The following ALDOB variants were observed in gnomAD, a reference collection of about 807,000 sequenced individuals.
The protein encoded by ALDOB is fructose-bisphosphate aldolase B.
Under a neutral mutation model 41.0 loss-of-function variants are expected in ALDOB, and 39 were observed. The ratio of observed to expected loss-of-function variants is 0.95; its 90% CI spans 0.74 to 1.24. The LOEUF is 1.24. Among genes scored for constraint, ALDOB ranks in the 50% most tolerant of loss-of-function variants. ALDOB has a pLI of 0.00. For missense variants in ALDOB, 530 were observed against 457.3 expected (o/e 1.16, Z -1.45); for synonymous variants, 175 against 168.8 (o/e 1.04, Z -0.28).
chr9:101,426,780 T>C (rs1420552493), intron 5 of ALDOB, 142 bp from the exon 6 acceptor site: 1 of 654,786 alleles, frequency 1.5e-6, no homozygotes, highest in Non-Finnish European at 2.8e-6. Flanking sequence ...GACAGTAGAA[T>C]TTTTCAGAAT....
rs771092366 is a variant in ALDOB, at chr9:101,425,529, G to C, written c.723C>G (p.Thr241=). ...CTACTTGTTCTGGAGTATACTTCTTGGTGCAGGCATGTCCAGCAGTCACCA... is the reference window on the plus strand; with the variant it reads ...CTACTTGTTCTGGAGTATACTTCTTCGTGCAGGCATGTCCAGCAGTCACCA... ...PNMVTAGHAC[T]KKYTPEQVAM... Residue 241 remains threonine (T), a synonymous_variant, in exon 7 of 9, where the codon ACC becomes ACG. Transcript: ENST00000647789. 5.6e-6 allele frequency: 9 copies of C among 1,614,008 alleles called. No individual in the cohort carries two copies. The highest frequency in any genetic ancestry group is 6.8e-6 in the Non-Finnish European group (8 of 1,180,028).
intron 8 of ALDOB, among the ~76,000 whole-genome samples, chr9:101,424,261 A>G (rs1831091074): frequency 6.6e-6 from 1 of 152,060 alleles, no homozygotes; most frequent in Non-Finnish European, 1.5e-5. Context: ...TTACTAAAAT[A>G]TACAGAAATT....
chr9:101,421,653 G>A lies in ALDOB; in HGVS notation c.*156C>T, dbSNP rs1831048184. 1 of 726,106 alleles carries A rather than the reference G, an allele frequency of 1.4e-6. No homozygotes were observed. Among genetic ancestry groups the A allele is most frequent in the South Asian group, 1.5e-5 (1 of 66,864 alleles). 45.0% of individuals were successfully genotyped at this position (726,106 alleles called of 1,614,324 possible). On this transcript the variant is annotated 3_prime_UTR_variant, in exon 9 of 9. Coordinates refer to ENST00000647789, the MANE Select transcript of ALDOB (RefSeq NM_000035.4). ...TATTCATTTTTATGTTTCAATAACT[G>A]ATTTATTTTTTCCCCCTTGTACTTA...
chr9:101,433,278 T>C (rs148373055), intron 1 of ALDOB, among the ~76,000 whole-genome samples: 12 of 152,372 alleles, frequency 7.9e-5, no homozygotes, highest in Admixed American at 7.8e-4. Context: ...TGCCTATTAC[T>C]AAACTATTTT....
intron 8 of ALDOB, 22 bp from the exon 9 acceptor site, chr9:101,421,926 G>C: frequency 6.2e-7 from 1 of 1,603,106 alleles, no homozygotes; most frequent in Non-Finnish European, 8.5e-7. Flanking sequence ...ATATGAGAGA[G>C]GAGACTGGTT....
intron 4 of ALDOB, among the ~76,000 whole-genome samples, chr9:101,427,889 A>C (rs973855241): frequency 1.3e-4 from 20 of 152,346 alleles, no homozygotes; most frequent in Admixed American, 9.8e-4. Context: ...AGTTAATATG[A>C]TACTCATTTT....
At chr9:101,429,609 T>A (rs1388097423) in intron 3 of ALDOB, 146 bp downstream of exon 3, 10 of 847,690 alleles carry the variant, frequency 1.2e-5, no homozygotes, top group South Asian at 2.7e-5. Context: ...AAGAGGATCT[T>A]GTTCTCTGTG....
At chr9:101,425,878 G>A (rs1831121417) in intron 6 of ALDOB, among the ~76,000 whole-genome samples, 1 of 152,118 alleles carries the variant, frequency 6.6e-6, no homozygotes, top group African/African-American at 2.4e-5. Context: ...GACAGGCATG[G>A]CTCTGCTTCC....
At chr9:101,425,672 T>C (rs978432591) in intron 6 of ALDOB, 45 bp from the exon 7 acceptor site, 3 of 1,602,956 alleles carry the variant, frequency 1.9e-6, no homozygotes, top group East Asian at 2.2e-5. Context: ...AAGCTAGTCA[T>C]AGAGCCACTT....
intron 1 of ALDOB, among the ~76,000 whole-genome samples, chr9:101,434,297 A>G (rs1831260320): frequency 6.6e-6 from 1 of 152,214 alleles, no homozygotes; most frequent in Non-Finnish European, 1.5e-5. Flanking sequence ...GTGATGTTCT[A>G]GGATTGCAAG....
chr9:101,429,555 A>G (rs185271249), intron 3 of ALDOB, among the ~76,000 whole-genome samples, 200 bp downstream of exon 3: 2 of 152,296 alleles, frequency 1.3e-5, no homozygotes, highest in East Asian at 3.9e-4. Context: ...AAGAACGTGT[A>G]GAAAATTTGA....
rs1831055335 is a variant in ALDOB at position 101,422,004 on chromosome 9, A to T, written c.1000-100T>A. On this transcript the variant is annotated intron_variant, in intron 8 of 8. Coordinates refer to ENST00000647789, the MANE Select transcript of ALDOB (RefSeq NM_000035.4). ...GGAAACCAGTCAAACCTTCACTCAGATTTTCTTCTTTTTACAGCAATGTTG... is the reference window on the plus strand; with the variant it reads ...GGAAACCAGTCAAACCTTCACTCAGTTTTTCTTCTTTTTACAGCAATGTTG... 6 of 994,400 alleles carry T rather than the reference A, an allele frequency of 6.0e-6. No homozygotes were observed. The Admixed American group carries it at 1.2e-4, about 20-fold the overall frequency. 61.6% of individuals were successfully genotyped at this position (994,400 alleles called of 1,614,324 possible).
intron 4 of ALDOB, 30 bp from the exon 5 acceptor site, chr9:101,427,672 T>C (rs1201890638): frequency 8.7e-6 from 14 of 1,612,744 alleles, no homozygotes; most frequent in Non-Finnish European, 9.3e-6. Flanking sequence ...GAAAGGCTTC[T>C]TTGTACCTTT....
intron 8 of ALDOB, among the ~76,000 whole-genome samples, chr9:101,423,048 A>G (rs989238133): frequency 1.3e-5 from 2 of 152,138 alleles, no homozygotes; most frequent in African/African-American, 4.8e-5. Context: ...CAATCCCTCC[A>G]TCATGTAAGC....
chr9:101,429,107 G>T lies in ALDOB; in HGVS notation c.325-584C>A, dbSNP rs146363819. Among the ~76,000 whole-genome samples, 309 of 151,186 alleles carry T rather than the reference G, an allele frequency of 2.0e-3. 6 individuals are homozygous for T. The highest frequency in any genetic ancestry group is 0.018 in the Admixed American group (279 of 15,188). On this transcript the variant is annotated intron_variant, in intron 3 of 8. Transcript: ENST00000647789. ...GATAGTTACCATTAACAATAATTAC[G>T]CAATATAAACTTTTTCTTTTCTTTT...
intron 4 of ALDOB, 90 bp downstream of exon 4, chr9:101,428,379 T>G: frequency 8.5e-7 from 1 of 1,175,694 alleles, no homozygotes; most frequent in Non-Finnish European, 1.3e-6. Flanking sequence ...AGTGTAATAG[T>G]TGTGTTTTGT....
chr9:101,430,114 T>C, intron 2 of ALDOB, 148 bp from the exon 3 acceptor site: 2 of 790,536 alleles, frequency 2.5e-6, no homozygotes, highest in Non-Finnish European at 4.3e-6. Flanking sequence ...ATTTTTTGTG[T>C]TCCAGGGAGA....
At chr9:101,431,029 T>C (rs1381844876) in intron 1 of ALDOB, 132 bp from the exon 2 acceptor site, 4 of 707,232 alleles carry the variant, frequency 5.7e-6, no homozygotes, top group East Asian at 2.7e-5. Flanking sequence ...CACAGGTGGA[T>C]AAGCAAATGA....
Position 101,421,800 on chromosome 9 carries a change from C to T in ALDOB, c.*9G>A. 1 of 1,613,090 alleles carries T rather than the reference C, an allele frequency of 6.2e-7. No homozygotes were observed. Among genetic ancestry groups the T allele is most frequent in the Non-Finnish European group, 8.5e-7 (1 of 1,179,322 alleles). Reference sequence around the variant, plus strand: ...GAAGCACTGGAGCTAGGCTGGCGGGCATTGGACCCTAGTAGGTATAGCAGG... The same window carrying T: ...GAAGCACTGGAGCTAGGCTGGCGGGTATTGGACCCTAGTAGGTATAGCAGG... On this transcript the variant is annotated 3_prime_UTR_variant, in exon 9 of 9. Coordinates refer to ENST00000647789, the MANE Select transcript of ALDOB (RefSeq NM_000035.4).
Sources: allele counts gnomAD v4.1 joint callset (sites outside exome capture counted in the v4.1 genomes callset), GRCh38; gene constraint gnomAD v4.1.1; transcripts MANE v1.5; gene names NCBI Gene and HGNC (gene_info 2026-07-23, HGNC 2026-07-21).